Variants in PXDNL observed in about 807,000 individuals in gnomAD.
The protein encoded by PXDNL is peroxidasin like.
Under a neutral mutation model 150.8 loss-of-function variants are expected in PXDNL, and 145 were observed. That is an observed-to-expected ratio of 0.96 (90% CI 0.84 to 1.10). PXDNL has a LOEUF of 1.10. Among genes scored for constraint, PXDNL ranks in the 50% least tolerant of loss-of-function variants. The pLI, the probability that PXDNL is intolerant of heterozygous loss-of-function variation, is 0.00. For synonymous variants in PXDNL, 757 were observed against 725.7 expected, an observed-to-expected ratio of 1.04 and a Z score of -0.69; for missense variants, 2,087 against 1,873.9, an observed-to-expected ratio of 1.11 and a Z score of -2.10.
At chr8:51,797,621 C>T (rs756278554) in intron 1 of PXDNL, among the ~76,000 whole-genome samples, 2 of 152,054 alleles carry the variant, frequency 1.3e-5, no homozygotes, top group Non-Finnish European at 2.9e-5. Context: ...TTACAAGGTA[C>T]GTGAATGACC....
intron 1 of PXDNL, among the ~76,000 whole-genome samples, chr8:51,767,639 C>A (rs2037246021): frequency 6.6e-6 from 1 of 152,154 alleles, no homozygotes; most frequent in Admixed American, 6.5e-5. Flanking sequence ...TCAAAGGTCA[C>A]CTACAGATAC....
chr8:51,510,624 C>T (rs905382660), intron 4 of PXDNL, among the ~76,000 whole-genome samples: 1 of 152,106 alleles, frequency 6.6e-6, no homozygotes, highest in Non-Finnish European at 1.5e-5. Flanking sequence ...GAGATAAAAC[C>T]GTCCCATGAG....
chr8:51,450,267 C>T (rs1184080634), intron 10 of PXDNL, among the ~76,000 whole-genome samples: 1 of 152,120 alleles, frequency 6.6e-6, no homozygotes, highest in Non-Finnish European at 1.5e-5. Flanking sequence ...CAGGTTTTTG[C>T]CAGCTCCTTT....
chr8:51,786,930 T>A (rs2129252957), intron 1 of PXDNL, among the ~76,000 whole-genome samples: 1 of 152,266 alleles, frequency 6.6e-6, no homozygotes. Flanking sequence ...GAATTTAAGT[T>A]GAAACCAAAT....
At chr8:51,428,953 T>C (rs1216168258) in intron 12 of PXDNL, among the ~76,000 whole-genome samples, 1 of 14,368 alleles carries the variant, frequency 7.0e-5, no homozygotes, top group East Asian at 1.1e-3. Context: ...CAGAAAGGAA[T>C]AGTGTCTAAA....
chr8:51,603,189 C>T (rs575923477), intron 2 of PXDNL, among the ~76,000 whole-genome samples: 2 of 151,814 alleles, frequency 1.3e-5, no homozygotes, highest in African/African-American at 4.8e-5. Context: ...ATATTTTACT[C>T]TTTATATAGG....
chr8:51,603,150 G>A (rs545769876), intron 2 of PXDNL, among the ~76,000 whole-genome samples: 1 of 151,580 alleles, frequency 6.6e-6, no homozygotes, highest in South Asian at 2.1e-4. Flanking sequence ...ATACTGCAAT[G>A]GAAATATTTC....
intron 2 of PXDNL, among the ~76,000 whole-genome samples, chr8:51,647,411 G>A (rs1743630785): frequency 6.6e-6 from 1 of 152,198 alleles, no homozygotes; most frequent in Non-Finnish European, 1.5e-5. Flanking sequence ...TTGTGCTGCT[G>A]AAGCTTCACC....
chr8:51,604,744 G>A (rs1813803107), intron 2 of PXDNL, among the ~76,000 whole-genome samples: 1 of 152,116 alleles, frequency 6.6e-6, no homozygotes, highest in African/African-American at 2.4e-5. Flanking sequence ...TTAATTTCAA[G>A]ACTTTTTACC....
chr8:51,752,247 C>T (rs946478382), intron 1 of PXDNL, among the ~76,000 whole-genome samples: 4 of 152,120 alleles, frequency 2.6e-5, no homozygotes, highest in Admixed American at 6.5e-5. Context: ...TGTTAAATCA[C>T]GGAGGTTTGG....
intron 19 of PXDNL, among the ~76,000 whole-genome samples, chr8:51,357,403 A>G (rs1297897797): frequency 6.6e-6 from 1 of 152,206 alleles, no homozygotes; most frequent in African/African-American, 2.4e-5. Context: ...CATTCCCAGA[A>G]TGACTTCCAG....
At chr8:51,798,979 A>C (rs571218838) in intron 1 of PXDNL, among the ~76,000 whole-genome samples, 122 of 152,256 alleles carry the variant, frequency 8.0e-4, no homozygotes, top group Non-Finnish European at 1.3e-3. Context: ...TAAGACATGG[A>C]ATCAACCCAA....
chr8:51,690,770 GT>G (rs1815977200), intron 1 of PXDNL, among the ~76,000 whole-genome samples: 2 of 151,044 alleles, frequency 1.3e-5, no homozygotes, highest in African/African-American at 4.8e-5. Context: ...GGTTGAACTA[GT>G]TTACAGTCCC....
chr8:51,640,226 G>A (rs181508764), intron 2 of PXDNL, among the ~76,000 whole-genome samples: 3,399 of 152,202 alleles, frequency 0.022, 65 homozygotes, highest in African/African-American at 0.049. Context: ...AGCTATCTAT[G>A]ACAAACCCAC....
Position 51,506,313 on chromosome 8 carries a change from C to T in PXDNL, c.381-6543G>A, listed in dbSNP as rs191427245. 8.4e-3 allele frequency among the ~76,000 whole-genome samples: 1,271 copies of T among 152,104 alleles called. 8 individuals are homozygous for T. The highest frequency in any genetic ancestry group is 0.024 in the Middle Eastern group (7 of 294). The stretch of plus-strand genomic sequence containing the variant: ...ATCCCAGCACTTTGGGAGGCCAAGG[C>T]GGGCGGATCACGAGATCAGGAGATT... On this transcript the variant is annotated intron_variant, in intron 4 of 22. Coordinates refer to ENST00000356297, the MANE Select transcript of PXDNL (RefSeq NM_144651.5).
At chr8:51,482,888 A>G (rs962767517) in intron 6 of PXDNL, among the ~76,000 whole-genome samples, 1 of 152,168 alleles carries the variant, frequency 6.6e-6, no homozygotes, top group Non-Finnish European at 1.5e-5. Flanking sequence ...ACAGACTAAT[A>G]CAGCCTCCAA....
intron 1 of PXDNL, among the ~76,000 whole-genome samples, chr8:51,656,752 T>G (rs1167745231): frequency 6.6e-6 from 1 of 152,198 alleles, no homozygotes; most frequent in African/African-American, 2.4e-5. Flanking sequence ...ATTTATACCT[T>G]GATATAGTTG....
chr8:51,665,161 C>G (rs980227552), intron 1 of PXDNL, among the ~76,000 whole-genome samples: 1 of 152,174 alleles, frequency 6.6e-6, no homozygotes, highest in South Asian at 2.1e-4. Context: ...TCCCTGACAA[C>G]TGTGCTCTGG....
At chr8:51,329,781 T>C (rs941566288) in intron 21 of PXDNL, among the ~76,000 whole-genome samples, 24 of 152,288 alleles carry the variant, frequency 1.6e-4, no homozygotes, top group African/African-American at 4.8e-4. Context: ...ACGTAATGTA[T>C]TAGTCAAGAT....
Sources: allele counts gnomAD v4.1 joint callset (sites outside exome capture counted in the v4.1 genomes callset), GRCh38; gene constraint gnomAD v4.1.1; transcripts MANE v1.5; gene names NCBI Gene and HGNC (gene_info 2026-07-23, HGNC 2026-07-21).